Variants in OSBPL9 observed in about 807,000 individuals in gnomAD.
The protein encoded by OSBPL9 is oxysterol binding protein like 9.
OSBPL9 carries 40 observed loss-of-function variants against 106.6 expected under a neutral mutation model. That is an observed-to-expected ratio of 0.38 (90% CI 0.29 to 0.49). OSBPL9 has a LOEUF of 0.49. Among genes scored for constraint, OSBPL9 ranks in the 20% least tolerant of loss-of-function variants. The pLI, the probability that OSBPL9 is intolerant of heterozygous loss-of-function variation, is 0.97. For synonymous variants in OSBPL9, 269 were observed against 295.4 expected, an observed-to-expected ratio of 0.91 and a Z score of 0.92; for missense variants, 609 against 887.2, an observed-to-expected ratio of 0.69 and a Z score of 3.98.
At chr1:51,628,684 C>CT (rs909175159) in intron 1 of OSBPL9, among the ~76,000 whole-genome samples, 1,461 of 134,452 alleles carry the variant, frequency 0.011, 14 homozygotes, top group African/African-American at 0.017. Context: ...TTCTTTTTTT[C>CT]TTTTTTTTTT....
At chr1:51,643,530 G>A (rs939915896) in intron 1 of OSBPL9, among the ~76,000 whole-genome samples, 2 of 152,152 alleles carry the variant, frequency 1.3e-5, no homozygotes, top group African/African-American at 4.8e-5. Context: ...GATGAGTGTG[G>A]GTGGGGCCCA....
At chr1:51,590,636 GA>G (rs1002982692) in intron 1 of OSBPL9, among the ~76,000 whole-genome samples, 8 of 139,994 alleles carry the variant, frequency 5.7e-5, no homozygotes, top group African/African-American at 8.0e-5. Context: ...AAAAAAAAAA[GA>G]AAAAAAAGAA....
intron 12 of OSBPL9, among the ~76,000 whole-genome samples, chr1:51,768,210 G>A (rs1321797187): frequency 6.6e-6 from 1 of 151,766 alleles, no homozygotes; most frequent in African/African-American, 2.4e-5. Flanking sequence ...CAAAGTGCTG[G>A]GATTACAGGC....
rs139902923 is a variant in OSBPL9, at chr1:51,681,747, C to T, written c.241+12235C>T. On this transcript the variant is annotated intron_variant, in intron 3 of 23. Coordinates refer to ENST00000428468, the MANE Select transcript of OSBPL9 (RefSeq NM_024586.6). ...CACTCCCCACCCCCAGTACCAAAAT[C>T]GCAGATGCCCACACCCCTTATATAA... Among the ~76,000 whole-genome samples, 971 of 152,130 alleles carry T rather than the reference C, an allele frequency of 6.4e-3. 7 individuals are homozygous for T. The highest frequency in any genetic ancestry group is 0.011 in the Non-Finnish European group (759 of 67,976).
chr1:51,643,363 T>C (rs1476133241), intron 1 of OSBPL9, among the ~76,000 whole-genome samples: 1 of 152,128 alleles, frequency 6.6e-6, no homozygotes, highest in African/African-American at 2.4e-5. Context: ...GCTCTAGAGG[T>C]TCAGGTAAAG....
At chr1:51,614,315 AGTCTGGCAT>A (rs1316889298), upstream of OSBPL9, 2 of 151,478 alleles carry the variant, frequency 1.3e-5, no homozygotes, top group Non-Finnish European at 2.9e-5. Flanking sequence ...ACAGTGTCTC[AGTCTGGCAT>A]CCAACTCAGG....
chr1:51,621,085 T>G (rs1256010812), intron 1 of OSBPL9, among the ~76,000 whole-genome samples: 1 of 152,160 alleles, frequency 6.6e-6, no homozygotes, highest in Non-Finnish European at 1.5e-5. Flanking sequence ...ATGAATTCAT[T>G]TCATCCAGCT....
At chr1:51,717,795 G>C (rs529252245) in intron 4 of OSBPL9, among the ~76,000 whole-genome samples, 23 of 151,924 alleles carry the variant, frequency 1.5e-4, no homozygotes, top group Non-Finnish European at 2.6e-4. Context: ...GTGGAGAACA[G>C]TTTGAAGGTT....
intron 17 of OSBPL9, among the ~76,000 whole-genome samples, chr1:51,782,954 A>G (rs902135368): frequency 6.6e-6 from 1 of 152,218 alleles, no homozygotes; most frequent in Non-Finnish European, 1.5e-5. Flanking sequence ...GACAGTTTAT[A>G]TAAGTGATAC....
At chr1:51,544,692 T>A in the OSBPL9 span, among the ~76,000 whole-genome samples, 48 of 151,782 alleles carry the variant, frequency 3.2e-4, no homozygotes, top group African/African-American at 1.2e-3. Context: ...GAAATGGAGA[T>A]TAAAAATAAA....
At chr1:51,597,464 T>C (rs1053076874) in intron 1 of OSBPL9, among the ~76,000 whole-genome samples, 10 of 147,862 alleles carry the variant, frequency 6.8e-5, no homozygotes, top group South Asian at 2.1e-4. Flanking sequence ...TGTGTGTATA[T>C]ACACACACAC....
At chr1:51,588,843 T>A (rs1250644391) in intron 1 of OSBPL9, among the ~76,000 whole-genome samples, 1 of 152,174 alleles carries the variant, frequency 6.6e-6, no homozygotes, top group Non-Finnish European at 1.5e-5. Flanking sequence ...CAAAAAATTA[T>A]TGAGCACCTA....
intron 2 of OSBPL9, among the ~76,000 whole-genome samples, chr1:51,599,762 C>T (rs1287935166): frequency 6.6e-6 from 1 of 152,164 alleles, no homozygotes; most frequent in Non-Finnish European, 1.5e-5. Flanking sequence ...TAATTATTCA[C>T]TTGTCTTAGT....
chr1:51,710,515 G>A (rs563770623), intron 3 of OSBPL9, among the ~76,000 whole-genome samples: 95 of 152,322 alleles, frequency 6.2e-4, no homozygotes, highest in Non-Finnish European at 1.1e-3. Context: ...ATCAGGCATT[G>A]TTTATGCCTA....
intron 4 of OSBPL9, among the ~76,000 whole-genome samples, chr1:51,734,970 CCT>C (rs1360924070): frequency 6.6e-6 from 1 of 152,208 alleles, no homozygotes; most frequent in African/African-American, 2.4e-5. Flanking sequence ...CTTCTCAGCT[CCT>C]CAGTTTGGGA....
In OSBPL9 at chr1:51,601,495, G is replaced by T. The variant is rs374943330; in HGVS notation, c.-353+3302G>T. Reference sequence around the variant, plus strand: ...CCTCTTCAGCTTCATCTCCCCCATGGGTTCACTTGTCCCATCACATCTGGA... The same window carrying T: ...CCTCTTCAGCTTCATCTCCCCCATGTGTTCACTTGTCCCATCACATCTGGA... On this transcript the variant is annotated intron_variant, in intron 2 of 25. Transcript: ENST00000371714. 2.0e-5 allele frequency among the ~76,000 whole-genome samples: 3 copies of T among 152,138 alleles called. No individual in the cohort carries two copies. In the East Asian group the frequency reaches 5.8e-4, roughly 29 times the overall value.
At chr1:51,687,401 A>G (rs1654036416) in intron 3 of OSBPL9, among the ~76,000 whole-genome samples, 1 of 152,252 alleles carries the variant, frequency 6.6e-6, no homozygotes, top group South Asian at 2.1e-4. Context: ...TATGCATAGT[A>G]TGTAATTTGG....
intron 2 of OSBPL9, among the ~76,000 whole-genome samples, chr1:51,659,698 C>T (rs998993854): frequency 6.6e-6 from 1 of 151,620 alleles, no homozygotes; most frequent in Non-Finnish European, 1.5e-5. Context: ...AAGAAAAGTA[C>T]GTAATAGTAG....
intron 11 of OSBPL9, among the ~76,000 whole-genome samples, chr1:51,764,992 A>G (rs1470799176): frequency 6.6e-6 from 1 of 152,226 alleles, no homozygotes; most frequent in Non-Finnish European, 1.5e-5. Flanking sequence ...ACATCTGTAG[A>G]TTAGTATAAA....
Sources: gnomAD v4.1 joint callset for allele counts (sites outside exome capture counted in the v4.1 genomes callset) on GRCh38, gnomAD v4.1.1 for gene constraint, MANE v1.5 for transcripts, NCBI Gene and HGNC (gene_info 2026-07-23, HGNC 2026-07-21) for gene names.